The following MYO16 variants were observed in gnomAD, a reference collection of about 807,000 sequenced individuals.
The protein encoded by MYO16 is unconventional myosin-XVI.
In MYO16, 94 loss-of-function variants were observed where a neutral mutation model predicts 205.3. The ratio of observed to expected loss-of-function variants is 0.46; its 90% CI spans 0.39 to 0.54. The LOEUF (loss-of-function observed/expected upper bound fraction) is 0.54, where lower values mean the gene tolerates loss of function less well. Among genes scored for constraint, MYO16 ranks in the 20% least tolerant of loss-of-function variants. The pLI is 0.00. For missense variants in MYO16, 2,315 were observed against 2,387.5 expected, an observed-to-expected ratio of 0.97 and a Z score of 0.63; for synonymous variants, 988 against 954.0, an observed-to-expected ratio of 1.04 and a Z score of -0.66.
At chr13:108,806,563 G>C in intron 6 of MYO16, 116 bp from the exon 7 acceptor site, 1 of 769,692 alleles carries the variant, frequency 1.3e-6, no homozygotes. Flanking sequence ...TTGTTTTTAT[G>C]GTCTCTGTAT....
chr13:109,153,259 G>A (rs1410511766), intron 32 of MYO16, among the ~76,000 whole-genome samples: 1 of 152,140 alleles, frequency 6.6e-6, no homozygotes, highest in African/African-American at 2.4e-5. Context: ...AATCTCCAAA[G>A]AGAAAGCATC....
intron 4 of MYO16, among the ~76,000 whole-genome samples, chr13:108,771,704 A>G (rs899786321): frequency 9.2e-5 from 14 of 152,162 alleles, no homozygotes; most frequent in African/African-American, 2.9e-4. Context: ...TTGTCTCCAT[A>G]GTTTTATCTT....
chr13:108,801,765 C>A (rs1260013936), intron 6 of MYO16, among the ~76,000 whole-genome samples: 1 of 152,096 alleles, frequency 6.6e-6, no homozygotes, highest in African/African-American at 2.4e-5. Flanking sequence ...AATAAGAGTG[C>A]CACATTATAA....
the MYO16 span, among the ~76,000 whole-genome samples, chr13:108,574,871 T>G: frequency 6.6e-6 from 1 of 152,156 alleles, no homozygotes; most frequent in African/African-American, 2.4e-5. Flanking sequence ...AAGTTCTCAC[T>G]TGACTAGTTC....
At chr13:108,714,147 C>G (rs571737921) in intron 3 of MYO16, among the ~76,000 whole-genome samples, 2 of 152,148 alleles carry the variant, frequency 1.3e-5, no homozygotes, top group African/African-American at 2.4e-5. Flanking sequence ...AGCTCCGTCT[C>G]CTGGTTCACG....
At chr13:109,185,948 C>T (rs1304911625) in intron 34 of MYO16, among the ~76,000 whole-genome samples, 1 of 151,940 alleles carries the variant, frequency 6.6e-6, no homozygotes, top group Non-Finnish European at 1.5e-5. Flanking sequence ...TGTGGTGGGA[C>T]TTTTTTTTCC....
intron 34 of MYO16, among the ~76,000 whole-genome samples, chr13:109,205,836 A>G (rs1054232758): frequency 1.3e-5 from 2 of 152,206 alleles, no homozygotes; most frequent in Non-Finnish European, 2.9e-5. Flanking sequence ...GCAAAGGCCC[A>G]TAATGTTCCC....
chr13:109,100,704 G>A, intron 27 of MYO16, 81 bp from the exon 28 acceptor site: 2 of 1,117,770 alleles, frequency 1.8e-6, no homozygotes, highest in Non-Finnish European at 2.6e-6. Flanking sequence ...GGGAAACGAT[G>A]TAACAAAGAC....
chr13:109,110,631 T>C (rs1889258394), intron 28 of MYO16, among the ~76,000 whole-genome samples: 1 of 152,158 alleles, frequency 6.6e-6, no homozygotes, highest in Non-Finnish European at 1.5e-5. Flanking sequence ...TTTGAGAACG[T>C]TTAAAAGTAC....
At chr13:109,033,368 G>T (rs144800944) in intron 23 of MYO16, among the ~76,000 whole-genome samples, 1 of 152,070 alleles carries the variant, frequency 6.6e-6, no homozygotes, top group Non-Finnish European at 1.5e-5. Flanking sequence ...CCTTTGCCTC[G>T]ATCTGTCAGA....
intron 2 of MYO16, among the ~76,000 whole-genome samples, chr13:108,689,409 C>A (rs576550031): frequency 6.6e-6 from 1 of 152,128 alleles, no homozygotes; most frequent in African/African-American, 2.4e-5. Context: ...CATATACAGA[C>A]ATTTTTAATC....
chr13:108,710,734 A>G (rs1271640309), intron 2 of MYO16, among the ~76,000 whole-genome samples: 1 of 152,234 alleles, frequency 6.6e-6, no homozygotes, highest in Non-Finnish European at 1.5e-5. Context: ...TCTATTATGT[A>G]TAATTCACTG....
At chr13:109,048,580 C>T in intron 24 of MYO16, 1 of 376,022 alleles carries the variant, frequency 2.7e-6, no homozygotes, top group Non-Finnish European at 4.8e-6. Context: ...AGGCAGTGGG[C>T]CATGTTTGGC....
chr13:108,672,526 T>C (rs994096705), intron 2 of MYO16, among the ~76,000 whole-genome samples: 1 of 147,200 alleles, frequency 6.8e-6, no homozygotes, highest in South Asian at 2.3e-4. Flanking sequence ...TAATTCAGGA[T>C]TTTTTTTGCT....
At chr13:108,818,888 G>A (rs145126632) in intron 7 of MYO16, among the ~76,000 whole-genome samples, 1 of 152,230 alleles carries the variant, frequency 6.6e-6, no homozygotes, top group East Asian at 1.9e-4. Flanking sequence ...CATTTTCAAA[G>A]CAATGTGCCA....
the MYO16 span, among the ~76,000 whole-genome samples, chr13:108,523,377 G>A: frequency 3.9e-5 from 6 of 152,160 alleles, no homozygotes; most frequent in East Asian, 1.9e-4. Context: ...GCCCAGCTTC[G>A]GGCCTTACTT....
intron 20 of MYO16, among the ~76,000 whole-genome samples, chr13:108,991,028 A>G (rs1884810357): frequency 6.6e-6 from 1 of 152,204 alleles, no homozygotes; most frequent in African/African-American, 2.4e-5. Flanking sequence ...TAATAACAGA[A>G]CAGTGTACCC....
intron 2 of MYO16, among the ~76,000 whole-genome samples, chr13:108,693,482 C>T (rs1369952528): frequency 6.6e-6 from 1 of 152,200 alleles, no homozygotes; most frequent in Non-Finnish European, 1.5e-5. Flanking sequence ...AGAGAAATTA[C>T]ACCATATATA....
chr13:108,554,483 A>G, the MYO16 span, among the ~76,000 whole-genome samples: 4 of 152,138 alleles, frequency 2.6e-5, no homozygotes, highest in Admixed American at 6.5e-5. Flanking sequence ...TTGTCCACTT[A>G]TGCACAGAAG....
Sources: gnomAD v4.1 joint callset for allele counts (sites outside exome capture counted in the v4.1 genomes callset) on GRCh38, gnomAD v4.1.1 for gene constraint, MANE v1.5 for transcripts, NCBI Gene and HGNC (gene_info 2026-07-23, HGNC 2026-07-21) for gene names.